Variants in BNC1 observed in about 807,000 individuals in gnomAD.
The protein encoded by BNC1 is basonuclin zinc finger protein 1.
A neutral mutation model predicts 66.5 loss-of-function variants in BNC1; 8 were observed. The ratio of observed to expected loss-of-function variants is 0.12; its 90% CI spans 0.07 to 0.22. BNC1 has a LOEUF of 0.22. Ranked by LOEUF, BNC1 falls within the 10% of genes least tolerant of loss-of-function variation. BNC1 has a pLI of 1.00. For missense variants in BNC1, 1,069 were observed against 1,241.3 expected (o/e 0.86, Z 2.09); for synonymous variants, 454 against 452.6 (o/e 1.00, Z -0.04).
intron 1 of BNC1, among the ~76,000 whole-genome samples, chr15:83,273,965 CATTTCACTGA>C (rs1453914611): frequency 6.6e-6 from 1 of 152,186 alleles, no homozygotes; most frequent in Non-Finnish European, 1.5e-5. Context: ...CATATACTTT[CATTTCACTGA>C]AGATAAACCC....
intron 1 of BNC1, among the ~76,000 whole-genome samples, chr15:83,269,451 G>A (rs1055169482): frequency 5.3e-5 from 8 of 152,040 alleles, no homozygotes; most frequent in Non-Finnish European, 1.2e-4. Context: ...GTGTGCGCGC[G>A]CATCTGGAGG....
At chr15:83,264,935 G>C (rs1475563875) in intron 3 of BNC1, 120 bp from the exon 4 acceptor site, 1 of 1,028,008 alleles carries the variant, frequency 9.7e-7, no homozygotes, top group Non-Finnish European at 1.4e-6. Flanking sequence ...GATGAATGCA[G>C]GGCTTTGGGG....
intron 1 of BNC1, among the ~76,000 whole-genome samples, chr15:83,278,086 GGAA>G (rs2038344495): frequency 1.3e-5 from 2 of 152,154 alleles, no homozygotes; most frequent in South Asian, 4.1e-4. Flanking sequence ...AGGACAACCG[GGAA>G]GAAGAGAGGT....
In BNC1 at chr15:83,262,987, C is replaced by T. The variant is rs1162514280; in HGVS notation, c.2264G>A (p.Cys755Tyr). 22 of 1,612,782 alleles carry T rather than the reference C, an allele frequency of 1.4e-5. No homozygotes were observed. Among genetic ancestry groups the T allele is most frequent in the Non-Finnish European group, 1.9e-5 (22 of 1,179,336 alleles). ...CCTGCGGGAGGGAAAGGTAGCATTA[C>T]AGCCCTCCACTGTGCATGTGTGCAT... ...KEMHTCTVEG[C>Y]NATFPSRRSR... The change falls in exon 4 of 5, where the codon TGT becomes TAT. Residue 755 changes from cysteine (C) to tyrosine (Y), a missense_variant. Coordinates refer to ENST00000345382, the MANE Select transcript of BNC1 (RefSeq NM_001717.4).
At chr15:83,267,966 T>G (rs1490061803) in intron 2 of BNC1, among the ~76,000 whole-genome samples, 167 bp downstream of exon 2, 1 of 152,228 alleles carries the variant, frequency 6.6e-6, no homozygotes, top group Admixed American at 6.5e-5. Context: ...TATAGAGTAG[T>G]TAAGATTCAA....
chr15:83,269,846 TA>T (rs1417671695), intron 1 of BNC1, among the ~76,000 whole-genome samples: 1 of 152,134 alleles, frequency 6.6e-6, no homozygotes, highest in Non-Finnish European at 1.5e-5. Context: ...GATGAACAGA[TA>T]AACAAAATGT....
chr15:83,282,443 C>G (rs915869967), intron 1 of BNC1, among the ~76,000 whole-genome samples: 1 of 152,228 alleles, frequency 6.6e-6, no homozygotes, highest in Admixed American at 6.5e-5. Context: ...TCTTTTCACA[C>G]CTCTTTAAAG....
At chr15:83,279,309 A>G (rs551607901) in intron 1 of BNC1, among the ~76,000 whole-genome samples, 1 of 152,334 alleles carries the variant, frequency 6.6e-6, no homozygotes, top group South Asian at 2.1e-4. Context: ...CCCCAAGCAC[A>G]TATTACATCA....
Position 83,284,643 on chromosome 15 carries a change from T to G in BNC1, c.-15A>C, listed in dbSNP as rs939325340. 3.0e-6 allele frequency: 3 copies of G among 985,024 alleles called. No homozygotes were observed. Among genetic ancestry groups the G allele is most frequent in the Non-Finnish European group, 3.6e-6 (3 of 830,780 alleles). 61.0% of individuals were successfully genotyped at this position (985,024 alleles called of 1,614,324 possible). A position where few individuals can be genotyped will look rare whatever the true frequency, so the allele number is the denominator to read the frequency against. ...CGCCGCCGCATCCACGCTCCGGCCG[T>G]CGGGGCGCGACCCGGCGAAGTGGGC... On this transcript the variant is annotated 5_prime_UTR_variant, in exon 1 of 5. Transcript: ENST00000345382.
At chr15:83,265,404 A>G (rs181184054) in intron 3 of BNC1, among the ~76,000 whole-genome samples, 2 of 152,346 alleles carry the variant, frequency 1.3e-5, no homozygotes, top group East Asian at 3.9e-4. Context: ...TCCCAAAACT[A>G]CAATAAATAT....
chr15:83,283,334 G>GCGGGGCTC lies in BNC1; in HGVS notation c.99+1188_99+1195dup, dbSNP rs951798442. On this transcript the variant is annotated intron_variant, in intron 1 of 4. Transcript: ENST00000345382. ...GGAACTCCGGCAAAGCCAGGCGGCG[G>GCGGGGCTC]CGGGGCTCCGGGTCTGGGCGGCGGC... 5.8e-5 allele frequency: 86 copies of GCGGGGCTC among 1,470,702 alleles called. No individual in the cohort carries two copies. In the African/African-American group the frequency reaches 1.1e-3, roughly 19 times the overall value. 91.1% of individuals were successfully genotyped at this position (1,470,702 alleles called of 1,614,324 possible). A position where few individuals can be genotyped will look rare whatever the true frequency, so the allele number is the denominator to read the frequency against.
chr15:83,257,842 G>A lies in BNC1; in HGVS notation c.2585C>T (p.Ser862Leu), dbSNP rs774607589. The A allele has an allele frequency of 3.1e-6, 5 of 1,614,054 alleles. No individual in the cohort carries two copies. The Admixed American group carries it at 5.0e-5, about 16-fold the overall frequency. Reference protein sequence around the residue: ...EGTILDLSTTSSMKSESSSHS... With the variant: ...EGTILDLSTTLSMKSESSSHS... Reference sequence around the variant, plus strand: ...GCTGCTACTCTCTGACTTCATGCTCGAGGTAGTGCTCAAATCCAGGATGGT... The same window carrying A: ...GCTGCTACTCTCTGACTTCATGCTCAAGGTAGTGCTCAAATCCAGGATGGT... The change falls in exon 5 of 5, where the codon TCG becomes TTG. Residue 862 changes from serine to leucine, a missense_variant. Ser to Leu is a moderately radical substitution (Grantham distance 145). Around this residue, in one of 7 missense-constraint regions of BNC1, gnomAD observed 657 missense variants for 715.8 expected, o/e 0.92. Coordinates refer to ENST00000345382, the MANE Select transcript of BNC1 (RefSeq NM_001717.4).
At chr15:83,269,592 A>G (rs977633358) in intron 1 of BNC1, among the ~76,000 whole-genome samples, 3 of 152,222 alleles carry the variant, frequency 2.0e-5, no homozygotes, top group African/African-American at 4.8e-5. Flanking sequence ...TAAGGAGTAT[A>G]TGATCAGTCT....
At position 83,264,032 on chromosome 15, in the gene BNC1, C is replaced by T. The variant is rs758105907; in HGVS notation, c.1219G>A (p.Ala407Thr). ...ATGTGCAGCCGAGGGTTGGGGTTGGCGCTATGGCGATTCCGGCTCCTTAGG... is the reference window on the plus strand; with the variant it reads ...ATGTGCAGCCGAGGGTTGGGGTTGGTGCTATGGCGATTCCGGCTCCTTAGG... ...SSLRSRNRHS[A>T]NPNPRLHMPM... Residue 407 changes from alanine to threonine, a missense_variant, in exon 4 of 5, where the codon GCC (alanine) becomes ACC (threonine). Transcript: ENST00000345382. The T allele has an allele frequency of 2.1e-5, 34 of 1,614,046 alleles. No homozygotes were observed. The South Asian group carries it at 2.7e-4, about 13-fold the overall frequency.
chr15:83,256,727 T>G lies in BNC1; in HGVS notation c.*715A>C, dbSNP rs947596432. The G allele has an allele frequency of 1.3e-5, 2 of 152,242 alleles. No individual in the cohort carries two copies. The highest frequency in any genetic ancestry group is 2.9e-5 in the Non-Finnish European group (2 of 68,054). The allele number at this position is 152,242 out of a possible 1,614,324, so 9.4% of individuals were successfully genotyped here. ...CACCAAACACCACATAAGCACAAAT[T>G]AAATATTGTCAAAATATTTTTAAAT... On this transcript the variant is annotated 3_prime_UTR_variant, in exon 5 of 5. Transcript: ENST00000345382.
At chr15:83,264,866 C>G (rs775064053) in intron 3 of BNC1, 51 bp from the exon 4 acceptor site, 2 of 1,547,100 alleles carry the variant, frequency 1.3e-6, no homozygotes, top group Non-Finnish European at 1.7e-6. Flanking sequence ...ACTCCTTACC[C>G]TTTCCTCTAA....
intron 1 of BNC1, chr15:83,283,565 C>T (rs2038407462): frequency 3.1e-6 from 3 of 959,950 alleles, no homozygotes; most frequent in Non-Finnish European, 3.7e-6. Context: ...CCCGTCCCGG[C>T]GCTTCCCATG....
chr15:83,276,491 C>T lies in BNC1; in HGVS notation c.99+8039G>A, dbSNP rs1300357695. On this transcript the variant is annotated intron_variant, in intron 1 of 4. Coordinates refer to ENST00000345382, the MANE Select transcript of BNC1 (RefSeq NM_001717.4). ...CTTACTGATTATTAATCTTTTTCCC[C>T]CAGTTATCTTTTTCCCCAATATGCC... Among the ~76,000 whole-genome samples the T allele has an allele frequency of 2.6e-5, 4 of 152,314 alleles. No homozygotes were observed. In the East Asian group the frequency reaches 7.7e-4, roughly 29 times the overall value.
intron 4 of BNC1, among the ~76,000 whole-genome samples, chr15:83,259,524 C>T (rs1181349148): frequency 6.6e-6 from 1 of 152,246 alleles, no homozygotes; most frequent in East Asian, 1.9e-4. Flanking sequence ...CCCAGATCAC[C>T]CACTTTGCAA....
Sources: gnomAD v4.1 joint callset for allele counts (sites outside exome capture counted in the v4.1 genomes callset) on GRCh38, gnomAD v4.1.1 for gene constraint, gnomAD v4.1.1 regional missense constraint, MANE v1.5 for transcripts, NCBI Gene and HGNC (gene_info 2026-07-23, HGNC 2026-07-21) for gene names.